Variants in DPF3 observed in about 807,000 individuals in gnomAD.
The protein encoded by DPF3 is zinc finger protein DPF3.
In DPF3, 18 loss-of-function variants were observed where a neutral mutation model predicts 56.8. The observed-to-expected ratio is 0.32, with a 90% CI of 0.22 to 0.47. The LOEUF is 0.47. Among genes scored for constraint, DPF3 ranks in the 20% least tolerant of loss-of-function variants. The pLI is 1.00. For missense variants in DPF3, 403 were observed against 488.8 expected (o/e 0.82, Z 1.65); for synonymous variants, 188 against 180.2 (o/e 1.04, Z -0.35).
At chr14:72,746,705 G>T (rs775037254) in intron 3 of DPF3, among the ~76,000 whole-genome samples, 1 of 152,232 alleles carries the variant, frequency 6.6e-6, no homozygotes, top group Non-Finnish European at 1.5e-5. Flanking sequence ...CTGCAGATGG[G>T]GTCCTTCCCC....
intron 6 of DPF3, among the ~76,000 whole-genome samples, chr14:72,699,443 G>T (rs111632615): frequency 0.013 from 1,913 of 149,666 alleles, 45 homozygotes; most frequent in African/African-American, 0.045. Flanking sequence ...GATCACTTGA[G>T]CCCAGGAGGT....
At chr14:72,786,736 A>G (rs754975740) in intron 1 of DPF3, among the ~76,000 whole-genome samples, 1 of 152,250 alleles carries the variant, frequency 6.6e-6, no homozygotes, top group African/African-American at 2.4e-5. Flanking sequence ...TCAGCTTGGT[A>G]CAACCTAATA....
intron 1 of DPF3, among the ~76,000 whole-genome samples, chr14:72,786,082 T>C (rs1168533102): frequency 6.6e-6 from 1 of 152,084 alleles, no homozygotes; most frequent in Non-Finnish European, 1.5e-5. Flanking sequence ...GCCAACTTGG[T>C]GAAACTCCAT....
chr14:72,727,114 G>C (rs1412640243), intron 4 of DPF3, among the ~76,000 whole-genome samples: 1 of 152,022 alleles, frequency 6.6e-6, no homozygotes, highest in Non-Finnish European at 1.5e-5. Context: ...AAACTCCTGG[G>C]CTCTTTTTTC....
At chr14:72,872,699 G>A (rs1885948951) in intron 1 of DPF3, among the ~76,000 whole-genome samples, 1 of 152,196 alleles carries the variant, frequency 6.6e-6, no homozygotes, top group South Asian at 2.1e-4. Context: ...AACCAAAACA[G>A]CATGGTACTG....
In DPF3 at chr14:72,609,095, G is replaced by C. The variant is rs774205870; in HGVS notation, c.*10202C>G. ...AAATTGCAGACAAAAGATTCACTAC[G>C]TGGGTAGTCAACATTGCTAACCAAT... On this transcript the variant is annotated 3_prime_UTR_variant, in exon 11 of 11. Coordinates refer to ENST00000556509, the MANE Select transcript of DPF3 (RefSeq NM_001280542.3). Among the ~76,000 whole-genome samples, 1 of 152,184 alleles carries C rather than the reference G, an allele frequency of 6.6e-6. No homozygotes were observed. The highest frequency in any genetic ancestry group is 1.9e-4 in the East Asian group (1 of 5,202).
intron 4 of DPF3, among the ~76,000 whole-genome samples, chr14:72,727,103 C>G (rs1341011641): frequency 6.6e-6 from 1 of 152,164 alleles, no homozygotes; most frequent in Admixed American, 6.5e-5. Flanking sequence ...GCCCACCTGT[C>G]AAACTCCTGG....
chr14:72,814,747 T>C (rs1387514639), intron 1 of DPF3, among the ~76,000 whole-genome samples: 3 of 151,992 alleles, frequency 2.0e-5, no homozygotes, highest in Non-Finnish European at 4.4e-5. Context: ...AAGGCAGATG[T>C]TGCAGTGAGC....
At chr14:72,813,426 A>G (rs1883147158) in intron 1 of DPF3, among the ~76,000 whole-genome samples, 3 of 152,178 alleles carry the variant, frequency 2.0e-5, no homozygotes, top group African/African-American at 7.2e-5. Flanking sequence ...CCTCTAGCAA[A>G]AGGATCTGCA....
chr14:72,804,615 TTG>T (rs1379367881), intron 1 of DPF3, among the ~76,000 whole-genome samples: 2 of 152,122 alleles, frequency 1.3e-5, no homozygotes, highest in African/African-American at 4.8e-5. Context: ...TTGGGTTTGT[TTG>T]TGTTTTTGTT....
intron 1 of DPF3, among the ~76,000 whole-genome samples, chr14:72,836,852 C>T (rs1384472710): frequency 6.6e-6 from 1 of 152,018 alleles, no homozygotes; most frequent in East Asian, 1.9e-4. Flanking sequence ...ATCACCTTTA[C>T]TTAATTGGTC....
At chr14:72,686,411 C>G (rs955167279) in intron 7 of DPF3, among the ~76,000 whole-genome samples, 1 of 152,200 alleles carries the variant, frequency 6.6e-6, no homozygotes, top group Non-Finnish European at 1.5e-5. Context: ...AGGATTATTA[C>G]CCCCGTTTTA....
At chr14:72,703,614 C>T (rs1173451023) in intron 6 of DPF3, among the ~76,000 whole-genome samples, 1 of 152,144 alleles carries the variant, frequency 6.6e-6, no homozygotes, top group African/African-American at 2.4e-5. Flanking sequence ...GGGAGTCTGC[C>T]TTCTTGGGTC....
intron 5 of DPF3, among the ~76,000 whole-genome samples, chr14:72,720,273 G>A (rs1006506273): frequency 1.3e-5 from 2 of 152,082 alleles, no homozygotes; most frequent in African/African-American, 2.4e-5. Context: ...CAAGAGGATC[G>A]CTTGAGGCCA....
intron 8 of DPF3, among the ~76,000 whole-genome samples, chr14:72,660,555 G>T (rs760807136): frequency 1.1e-4 from 17 of 152,220 alleles, no homozygotes; most frequent in Non-Finnish European, 2.4e-4. Context: ...CCAACCGGCA[G>T]CTTGGGAGGC....
chr14:72,674,122 C>T (rs1217544559), intron 8 of DPF3, 118 bp downstream of exon 8: 6 of 1,381,536 alleles, frequency 4.3e-6, no homozygotes, highest in East Asian at 2.6e-5. Flanking sequence ...CCTCTCCACT[C>T]GAAAGCATTG....
intron 7 of DPF3, among the ~76,000 whole-genome samples, chr14:72,675,169 A>G (rs923393980): frequency 9.9e-5 from 15 of 152,232 alleles, no homozygotes; most frequent in Non-Finnish European, 1.9e-4. Context: ...AGGTCCTTAA[A>G]CAAAAGCAAA....
intron 3 of DPF3, among the ~76,000 whole-genome samples, chr14:72,741,742 C>T (rs531001478): frequency 2.0e-5 from 3 of 152,372 alleles, no homozygotes; most frequent in Admixed American, 2.0e-4. Context: ...GATGAAGAAA[C>T]AGATGGGCCC....
intron 7 of DPF3, among the ~76,000 whole-genome samples, chr14:72,674,951 G>GTCTCATCTCC (rs1886846112): frequency 6.6e-6 from 1 of 152,246 alleles, no homozygotes; most frequent in Non-Finnish European, 1.5e-5. Flanking sequence ...CTGAAGGGGA[G>GTCTCATCTCC]TCTCATCTCC....
Sources: allele counts gnomAD v4.1 joint callset (sites outside exome capture counted in the v4.1 genomes callset), GRCh38; gene constraint gnomAD v4.1.1; transcripts MANE v1.5; gene names NCBI Gene and HGNC (gene_info 2026-07-23, HGNC 2026-07-21).